The following PIP4K2C variants were observed in gnomAD, a reference collection of about 807,000 sequenced individuals.
PIP4K2C encodes the protein phosphatidylinositol 5-phosphate 4-kinase type-2 gamma.
A neutral mutation model predicts 45.0 loss-of-function variants in PIP4K2C; 21 were observed. The observed-to-expected ratio is 0.47, with a 90% CI of 0.33 to 0.67. PIP4K2C has a LOEUF of 0.67. Ranked by LOEUF, PIP4K2C falls within the 30% of genes least tolerant of loss-of-function variation. The pLI is 0.02. For missense variants in PIP4K2C, 456 were observed against 542.8 expected, an observed-to-expected ratio of 0.84 and a Z score of 1.59; for synonymous variants, 201 against 204.8, an observed-to-expected ratio of 0.98 and a Z score of 0.16.
At position 57,601,566 on chromosome 12, in the gene PIP4K2C, C is replaced by G. The variant is rs1471910201; in HGVS notation, c.1226C>G (p.Ala409Gly). The change falls in exon 10 of 10, where the codon GCT becomes GGT. Residue 409 changes from alanine to glycine, a missense_variant. Ala to Gly is a moderately conservative substitution (Grantham distance 60). Coordinates refer to ENST00000354947, the MANE Select transcript of PIP4K2C (RefSeq NM_024779.5). Reference protein sequence around the residue: ...EISTVHPEQYAKRFLDFITNI... With the variant: ...EISTVHPEQYGKRFLDFITNI... The stretch of plus-strand genomic sequence containing the variant: ...TCTACTGTCCATCCGGAGCAGTATG[C>G]TAAGCGATTCCTGGATTTTATTACC... 1 of 1,613,292 alleles carries G rather than the reference C, an allele frequency of 6.2e-7. No homozygotes were observed. Among genetic ancestry groups the G allele is most frequent in the African/African-American group, 1.3e-5 (1 of 74,868 alleles).
chr12:57,593,675 G>GGTTTT (rs1471435696), intron 1 of PIP4K2C, among the ~76,000 whole-genome samples: 1 of 64,042 alleles, frequency 1.6e-5, no homozygotes, highest in African/African-American at 7.3e-5. Context: ...AGCTTGCAGA[G>GGTTTT]TTTTTTTTTT....
chr12:57,595,817 C>T, intron 3 of PIP4K2C, 71 bp from the exon 4 acceptor site: 1 of 1,547,592 alleles, frequency 6.5e-7, no homozygotes, highest in Non-Finnish European at 8.9e-7. Context: ...TTTCAGCTGA[C>T]CATTTTCCTA....
intron 1 of PIP4K2C, 94 bp downstream of exon 1, chr12:57,591,557 A>C: frequency 7.2e-7 from 1 of 1,383,638 alleles, no homozygotes; most frequent in East Asian, 2.6e-5. Context: ...AGCCCCACGC[A>C]GTGCCACTCC....
At chr12:57,600,551 C>A in intron 7 of PIP4K2C, 114 bp downstream of exon 7, 1 of 829,016 alleles carries the variant, frequency 1.2e-6, no homozygotes, top group Non-Finnish European at 1.9e-6. Flanking sequence ...TTCTTCAGGT[C>A]CTCTGCCTAT....
chr12:57,596,935 G>A (rs780057888), intron 4 of PIP4K2C, among the ~76,000 whole-genome samples: 1 of 152,180 alleles, frequency 6.6e-6, no homozygotes, highest in African/African-American at 2.4e-5. Context: ...GACTAGTAGA[G>A]GTTAACCATT....
chr12:57,596,263 A>T (rs956412758), intron 4 of PIP4K2C, among the ~76,000 whole-genome samples: 2 of 152,112 alleles, frequency 1.3e-5, no homozygotes, highest in African/African-American at 4.8e-5. Context: ...AGGCGGGAGG[A>T]TCACCTGAGG....
chr12:57,601,146 G>A, intron 8 of PIP4K2C, 68 bp downstream of exon 8: 18 of 1,598,852 alleles, frequency 1.1e-5, no homozygotes, highest in Non-Finnish European at 1.4e-5. Context: ...CCAGAGTGCT[G>A]GGGGAGAGCC....
intron 1 of PIP4K2C, 86 bp downstream of exon 1, chr12:57,591,549 C>A: frequency 7.0e-7 from 1 of 1,434,594 alleles, no homozygotes; most frequent in Non-Finnish European, 9.3e-7. Flanking sequence ...GCCTCCGGAG[C>A]CCCACGCAGT....
rs199979114 is a variant in PIP4K2C, at chr12:57,601,509, C to G, written c.1186-17C>G. ...GCTAGGGTGGCCTGACATATTGTTC[C>G]GTATCTCCTCTCACAGGCTGGGGCA... On this transcript the variant is annotated splice_polypyrimidine_tract_variant and intron_variant, in intron 9 of 9. Coordinates refer to ENST00000354947, the MANE Select transcript of PIP4K2C (RefSeq NM_024779.5). 3,021 of 1,606,304 alleles carry G rather than the reference C, an allele frequency of 1.9e-3. 5 individuals are homozygous for G. Among genetic ancestry groups the G allele is most frequent in the Non-Finnish European group, 2.4e-3 (2,871 of 1,173,062 alleles).
At chr12:57,596,266 AC>A (rs1883189957) in intron 4 of PIP4K2C, among the ~76,000 whole-genome samples, 1 of 152,060 alleles carries the variant, frequency 6.6e-6, no homozygotes, top group East Asian at 1.9e-4. Context: ...CGGGAGGATC[AC>A]CTGAGGTCGG....
At chr12:57,595,042 T>G (rs1378585989) in intron 2 of PIP4K2C, 84 bp from the exon 3 acceptor site, 6 of 823,144 alleles carry the variant, frequency 7.3e-6, no homozygotes, top group African/African-American at 5.1e-5. Context: ...AATGAGGTAA[T>G]ATGTCTGAAG....
chr12:57,595,295 A>G, intron 3 of PIP4K2C, 73 bp downstream of exon 3: 1 of 949,484 alleles, frequency 1.1e-6, no homozygotes, highest in South Asian at 1.4e-5. Flanking sequence ...GGACAGCCAT[A>G]TTTGGAGAAA....
At chr12:57,595,058 T>G in intron 2 of PIP4K2C, 68 bp from the exon 3 acceptor site, 1 of 1,025,242 alleles carries the variant, frequency 9.8e-7, no homozygotes, top group Non-Finnish European at 1.5e-6. Context: ...TGAAGGTACT[T>G]TATAAACTAC....
chr12:57,600,729 G>C, intron 7 of PIP4K2C, 82 bp from the exon 8 acceptor site: 1 of 1,554,052 alleles, frequency 6.4e-7, no homozygotes, highest in Non-Finnish European at 8.7e-7. Flanking sequence ...AAGGGCCCCA[G>C]AAATTCAAAG....
chr12:57,600,718 G>C (rs78787523), intron 7 of PIP4K2C, 93 bp from the exon 8 acceptor site: 1 of 1,509,030 alleles, frequency 6.6e-7, no homozygotes, highest in African/African-American at 1.4e-5. Context: ...CCTTTCCCCA[G>C]AAGGGCCCCA....
Position 57,591,224 on chromosome 12 carries a change from T to C in PIP4K2C, c.-66T>C, listed in dbSNP as rs1882931130. The C allele has an allele frequency of 1.3e-6, 2 of 1,497,522 alleles. No individual in the cohort carries two copies. The highest frequency in any genetic ancestry group is 2.8e-5 in the African/African-American group (2 of 71,224). The allele number at this position is 1,497,522 out of a possible 1,614,324, so 92.8% of individuals were successfully genotyped here. On this transcript the variant is annotated 5_prime_UTR_variant, in exon 1 of 10. Transcript: ENST00000354947. ...TGACAGCAGCGCAGGTGAGCGCCGC[T>C]TCCGGGGTCGGGCGCCTGGATAGCT...
chr12:57,597,764 G>C (rs1371820521), intron 4 of PIP4K2C, among the ~76,000 whole-genome samples: 1 of 152,126 alleles, frequency 6.6e-6, no homozygotes, highest in African/African-American at 2.4e-5. Context: ...GGGATTCGAC[G>C]ACAGAGAGGA....
chr12:57,593,617 T>A (rs1197867910), intron 1 of PIP4K2C, among the ~76,000 whole-genome samples: 1 of 151,614 alleles, frequency 6.6e-6, no homozygotes, highest in Non-Finnish European at 1.5e-5. Context: ...TGTGCATTTT[T>A]AAAATGCCTT....
At chr12:57,592,343 T>C (rs1883000522) in intron 1 of PIP4K2C, among the ~76,000 whole-genome samples, 1 of 152,196 alleles carries the variant, frequency 6.6e-6, no homozygotes, top group South Asian at 2.1e-4. Flanking sequence ...AATGCAGTTA[T>C]CTTGAATGTG....
Sources: allele counts gnomAD v4.1 joint callset (sites outside exome capture counted in the v4.1 genomes callset), GRCh38; gene constraint gnomAD v4.1.1; transcripts MANE v1.5; gene names NCBI Gene and HGNC (gene_info 2026-07-23, HGNC 2026-07-21).